MXD1: variants seen among roughly 807,000 people sequenced by gnomAD.
MXD1 encodes the protein MAX-binding protein.
MXD1 carries 9 observed loss-of-function variants against 25.7 expected under a neutral mutation model. The observed-to-expected ratio is 0.35, with a 90% CI of 0.21 to 0.61. MXD1 has a LOEUF of 0.61. MXD1 is among the 20% of genes least tolerant of loss of function. MXD1 has a pLI of 0.75. For synonymous variants in MXD1, 99 were observed against 113.9 expected (o/e 0.87, Z 0.83); for missense variants, 227 against 292.4 (o/e 0.78, Z 1.63).
intron 3 of MXD1, among the ~76,000 whole-genome samples, chr2:69,924,074 A>G (rs1221148978): frequency 6.6e-6 from 1 of 152,222 alleles, no homozygotes; most frequent in Admixed American, 6.5e-5. Context: ...TGGTGGCCCC[A>G]GAACTTGTAC....
chr2:69,938,437 A>G lies in MXD1; in HGVS notation c.*153A>G. 1 of 733,172 alleles carries G rather than the reference A, an allele frequency of 1.4e-6. No individual in the cohort carries two copies. The highest frequency in any genetic ancestry group is 2.2e-6 in the Non-Finnish European group (1 of 451,020). 45.4% of individuals were successfully genotyped at this position (733,172 alleles called of 1,614,324 possible). A position where few individuals can be genotyped will look rare whatever the true frequency, so the allele number is the denominator to read the frequency against. ...TGTAACTGTTTTCAAGGAGGTGCTT[A>G]GGATTGTGGGTTTCTGATTGCATCC... On this transcript the variant is annotated 3_prime_UTR_variant, in exon 6 of 6. Transcript: ENST00000264444.
At chr2:69,929,917 TA>T (rs1350279382) in intron 3 of MXD1, among the ~76,000 whole-genome samples, 1 of 152,220 alleles carries the variant, frequency 6.6e-6, no homozygotes, top group African/African-American at 2.4e-5. Context: ...TGAAGCTTTA[TA>T]ATACAATTTA....
At chr2:69,936,821 AC>A (rs543652598) in intron 4 of MXD1, among the ~76,000 whole-genome samples, 86 of 152,334 alleles carry the variant, frequency 5.6e-4, no homozygotes, top group South Asian at 1.0e-3. Flanking sequence ...ACTTGAATAA[AC>A]ATAGTTTTAA....
At chr2:69,920,808 G>T (rs1035757826) in intron 2 of MXD1, among the ~76,000 whole-genome samples, 3 of 152,166 alleles carry the variant, frequency 2.0e-5, no homozygotes, top group Non-Finnish European at 2.9e-5. Context: ...GGAAGGGGTT[G>T]TGTGAGGAGG....
At chr2:69,916,661 A>C (rs1460908738) in intron 2 of MXD1, among the ~76,000 whole-genome samples, 1 of 152,196 alleles carries the variant, frequency 6.6e-6, no homozygotes, top group Admixed American at 6.5e-5. Context: ...GGCATAAGTG[A>C]TAGGATCTCA....
chr2:69,918,901 C>T lies in MXD1; in HGVS notation c.173+2681C>T, dbSNP rs114836051. On this transcript the variant is annotated intron_variant, in intron 2 of 5. Coordinates refer to ENST00000264444, the MANE Select transcript of MXD1 (RefSeq NM_002357.4). ...CATCAATGGAGGTGGCTGGCAGTCTCGGAACTGATCATTTTTGAAAGGGCT... is the reference window on the plus strand; with the variant it reads ...CATCAATGGAGGTGGCTGGCAGTCTTGGAACTGATCATTTTTGAAAGGGCT... 2.4e-3 allele frequency among the ~76,000 whole-genome samples: 371 copies of T among 152,200 alleles called. 3 individuals carry two copies. Among genetic ancestry groups the T allele is most frequent in the African/African-American group, 8.7e-3 (360 of 41,520 alleles).
chr2:69,925,757 G>T (rs1677157644), intron 3 of MXD1, among the ~76,000 whole-genome samples: 1 of 152,056 alleles, frequency 6.6e-6, no homozygotes, highest in Non-Finnish European at 1.5e-5. Flanking sequence ...TAAACCACCT[G>T]TAGAAAAATC....
chr2:69,930,139 A>G (rs564296721), intron 3 of MXD1, among the ~76,000 whole-genome samples: 1 of 152,150 alleles, frequency 6.6e-6, no homozygotes, highest in African/African-American at 2.4e-5. Context: ...GGAATCTGCT[A>G]TTTTTTTCAT....
chr2:69,935,752 G>A (rs193251629), intron 4 of MXD1, among the ~76,000 whole-genome samples: 106 of 152,174 alleles, frequency 7.0e-4, no homozygotes, highest in Non-Finnish European at 1.3e-3. Flanking sequence ...CATCTCCAAG[G>A]CCTAAATATT....
rs780468865 is a variant in MXD1, at chr2:69,916,236, CT to C, written c.173+18del. The C allele has an allele frequency of 2.1e-6, 3 of 1,460,156 alleles. No homozygotes were observed. The East Asian group carries it at 6.9e-5, about 34-fold the overall frequency. 90.4% of individuals were successfully genotyped at this position (1,460,156 alleles called of 1,614,324 possible). A position where few individuals can be genotyped will look rare whatever the true frequency, so the allele number is the denominator to read the frequency against. ...GCAGTAGCAGGTAATTTGGTAAATA[CT>C]TCTTTCTGTCTTTTAGATTATATTG... On this transcript the variant is annotated intron_variant, in intron 2 of 5. Transcript: ENST00000264444.
chr2:69,929,791 A>C (rs78623686), intron 3 of MXD1, among the ~76,000 whole-genome samples: 78 of 152,272 alleles, frequency 5.1e-4, no homozygotes, highest in Non-Finnish European at 8.2e-4. Context: ...TTATGGTGTT[A>C]TCTCCTTTAT....
At chr2:69,933,796 A>G (rs1677356385) in intron 3 of MXD1, among the ~76,000 whole-genome samples, 2 of 152,154 alleles carry the variant, frequency 1.3e-5, no homozygotes, top group Non-Finnish European at 2.9e-5. Flanking sequence ...TTTGGTCTAT[A>G]TTTTCAACTT....
intron 4 of MXD1, among the ~76,000 whole-genome samples, chr2:69,936,647 C>T (rs138139222): frequency 6.6e-6 from 1 of 152,224 alleles, no homozygotes; most frequent in East Asian, 1.9e-4. Flanking sequence ...AAGCTGGGGG[C>T]AGATTTATAA....
chr2:69,927,824 A>G (rs1162182171), intron 3 of MXD1, among the ~76,000 whole-genome samples: 2 of 152,260 alleles, frequency 1.3e-5, no homozygotes, highest in Admixed American at 6.5e-5. Context: ...TGTATTTTCT[A>G]CAAAGATTTA....
In MXD1 at chr2:69,935,336, G is replaced by T; in HGVS notation, c.204-15G>T. The T allele has an allele frequency of 1.3e-6, 2 of 1,591,700 alleles. No homozygotes were observed. Among genetic ancestry groups the T allele is most frequent in the Non-Finnish European group, 8.6e-7 (1 of 1,159,922 alleles). On this transcript the variant is annotated splice_polypyrimidine_tract_variant and intron_variant, in intron 3 of 5. Coordinates refer to ENST00000264444, the MANE Select transcript of MXD1 (RefSeq NM_002357.4). ...TGTGAAACTCTCAAATGCTACTGTG[G>T]TCTTGTTTTCATAGACGGGCTCATC...
chr2:69,928,954 C>G (rs1391078817), intron 3 of MXD1, among the ~76,000 whole-genome samples: 1 of 152,162 alleles, frequency 6.6e-6, no homozygotes, highest in Admixed American at 6.5e-5. Flanking sequence ...AGTACAGTGG[C>G]ACAATCTTGG....
intron 2 of MXD1, among the ~76,000 whole-genome samples, chr2:69,916,946 G>A (rs1322278669): frequency 6.6e-6 from 1 of 152,150 alleles, no homozygotes; most frequent in Admixed American, 6.5e-5. Flanking sequence ...TCTGGTACAT[G>A]CAAATAGTCC....
intron 3 of MXD1, among the ~76,000 whole-genome samples, chr2:69,931,082 G>A (rs1012137250): frequency 3.9e-5 from 6 of 152,020 alleles, no homozygotes; most frequent in African/African-American, 1.5e-4. Context: ...ATATTTATGG[G>A]GTACATGAGG....
chr2:69,941,801 TTTC>T lies in MXD1; in HGVS notation c.*3523_*3525del, dbSNP rs1451728171. ...CTTGAGAATAGATTTTGTGGGCTTA[TTTC>T]TTCTTGCCTCTTCCCCATCCTTTCA... is the stretch of plus-strand genomic sequence containing the variant. On this transcript the variant is annotated 3_prime_UTR_variant, in exon 6 of 6. Coordinates refer to ENST00000264444, the MANE Select transcript of MXD1 (RefSeq NM_002357.4). The T allele has an allele frequency of 6.6e-5, 10 of 152,128 alleles. No homozygotes were observed. Among genetic ancestry groups the T allele is most frequent in the African/African-American group, 2.4e-4 (10 of 41,396 alleles). 9.4% of individuals were successfully genotyped at this position (152,128 alleles called of 1,614,324 possible). A position where few individuals can be genotyped will look rare whatever the true frequency, so the allele number is the denominator to read the frequency against.
Sources: gnomAD v4.1 joint callset for allele counts (sites outside exome capture counted in the v4.1 genomes callset) on GRCh38, gnomAD v4.1.1 for gene constraint, MANE v1.5 for transcripts, NCBI Gene and HGNC (gene_info 2026-07-23, HGNC 2026-07-21) for gene names.